The following PTPRD variants were observed in gnomAD, a reference collection of about 807,000 sequenced individuals.
PTPRD encodes receptor-type tyrosine-protein phosphatase delta.
Under a neutral mutation model 214.5 loss-of-function variants are expected in PTPRD, and 34 were observed. The ratio of observed to expected loss-of-function variants is 0.16; its 90% CI spans 0.12 to 0.21. The LOEUF (loss-of-function observed/expected upper bound fraction) is 0.21. Among genes scored for constraint, PTPRD ranks in the 10% least tolerant of loss-of-function variants. The pLI is 1.00. For missense variants in PTPRD, 2,545 were observed against 2,398.7 expected (o/e 1.06, Z -1.27); for synonymous variants, 1,128 against 845.7 (o/e 1.33, Z -5.79).
chr9:9,449,796 CT>C (rs1351806520), intron 8 of PTPRD, among the ~76,000 whole-genome samples: 1 of 151,694 alleles, frequency 6.6e-6, no homozygotes, highest in African/African-American at 2.4e-5. Flanking sequence ...TGGATAAGCT[CT>C]TTAGTGGTGA....
intron 9 of PTPRD, among the ~76,000 whole-genome samples, chr9:9,189,283 A>G (rs983698894): frequency 2.6e-5 from 4 of 152,012 alleles, no homozygotes; most frequent in African/African-American, 9.7e-5. Context: ...ATCTAATTAA[A>G]CCTCATTTCA....
chr9:9,947,677 G>T (rs2092966441), intron 4 of PTPRD, among the ~76,000 whole-genome samples: 1 of 107,620 alleles, frequency 9.3e-6, no homozygotes, highest in East Asian at 2.8e-4. Context: ...GGTAGTAAAA[G>T]GTCAAGTTAG....
intron 2 of PTPRD, among the ~76,000 whole-genome samples, chr9:10,550,011 G>A (rs895624925): frequency 6.6e-6 from 1 of 152,110 alleles, no homozygotes; most frequent in Non-Finnish European, 1.5e-5. Context: ...CAGGATTGAT[G>A]AGGATGGATA....
intron 39 of PTPRD, among the ~76,000 whole-genome samples, chr9:8,355,538 G>C (rs2076758464): frequency 6.6e-6 from 1 of 152,168 alleles, no homozygotes; most frequent in Admixed American, 6.5e-5. Context: ...CAGTAGAGAG[G>C]ACAGGGTTTG....
chr9:9,317,896 G>A (rs1055773201), intron 9 of PTPRD, among the ~76,000 whole-genome samples: 1 of 152,050 alleles, frequency 6.6e-6, no homozygotes, highest in Non-Finnish European at 1.5e-5. Context: ...TTCCAGCCGG[G>A]TGCGGTGGCT....
At chr9:10,353,603 TAG>T (rs2097218670) in intron 2 of PTPRD, among the ~76,000 whole-genome samples, 1 of 151,970 alleles carries the variant, frequency 6.6e-6, no homozygotes, top group Non-Finnish European at 1.5e-5. Context: ...GTTTTTAATA[TAG>T]AGTCTCTTAA....
intron 3 of PTPRD, among the ~76,000 whole-genome samples, chr9:10,139,638 G>A (rs1354526541): frequency 1.3e-5 from 2 of 151,878 alleles, no homozygotes; most frequent in Non-Finnish European, 1.5e-5. Context: ...ACTTCAAACT[G>A]GACTACAAGG....
chr9:9,322,689 T>C (rs549203613), intron 9 of PTPRD, among the ~76,000 whole-genome samples: 27 of 152,278 alleles, frequency 1.8e-4, no homozygotes, highest in Admixed American at 4.6e-4. Context: ...AGGAACACTC[T>C]AGATCCTTGG....
Position 10,209,587 on chromosome 9 carries a change from T to A in PTPRD, c.-545+131376A>T, listed in dbSNP as rs2099505142. ...TGATCCTTAGTCCCTAAGGTTTTTT[T>A]TAAGTTGTTATAACTTTTCTACCTG... On this transcript the variant is annotated intron_variant, in intron 3 of 45. Coordinates refer to ENST00000381196, the MANE Select transcript of PTPRD (RefSeq NM_002839.4). Among the ~76,000 whole-genome samples the A allele has an allele frequency of 2.0e-5, 3 of 152,184 alleles. No individual in the cohort carries two copies. In the South Asian group the frequency reaches 6.2e-4, roughly 32 times the overall value.
chr9:9,897,989 T>C (rs1299851979), intron 5 of PTPRD, among the ~76,000 whole-genome samples: 1 of 151,734 alleles, frequency 6.6e-6, no homozygotes, highest in Non-Finnish European at 1.5e-5. Flanking sequence ...TTTAAATAAA[T>C]CTTTACTTAT....
At chr9:9,830,633 G>C (rs1224085156) in intron 5 of PTPRD, among the ~76,000 whole-genome samples, 1 of 151,918 alleles carries the variant, frequency 6.6e-6, no homozygotes, top group Non-Finnish European at 1.5e-5. Flanking sequence ...TAGCACCTGA[G>C]TGTGTTAGCC....
chr9:9,522,801 C>T (rs1162771107), intron 8 of PTPRD, among the ~76,000 whole-genome samples: 1 of 152,086 alleles, frequency 6.6e-6, no homozygotes, highest in South Asian at 2.1e-4. Context: ...ATTTTGGAAA[C>T]AACTAGAGTG....
chr9:9,329,909 G>C (rs911940489), intron 9 of PTPRD, among the ~76,000 whole-genome samples: 1 of 152,102 alleles, frequency 6.6e-6, no homozygotes, highest in Non-Finnish European at 1.5e-5. Flanking sequence ...GAAATTCCTA[G>C]GGCCCTACCT....
intron 3 of PTPRD, among the ~76,000 whole-genome samples, chr9:10,125,345 A>C (rs1201422312): frequency 6.6e-6 from 1 of 151,416 alleles, no homozygotes; most frequent in Non-Finnish European, 1.5e-5. Context: ...GAACCAAAGG[A>C]AAATAAATCA....
At chr9:9,631,323 G>A (rs1048443262) in intron 7 of PTPRD, among the ~76,000 whole-genome samples, 2 of 151,660 alleles carry the variant, frequency 1.3e-5, no homozygotes, top group African/African-American at 4.8e-5. Flanking sequence ...GTGAAAATAT[G>A]CAGCAAGATA....
At chr9:9,544,093 T>C (rs182295222) in intron 8 of PTPRD, among the ~76,000 whole-genome samples, 113 of 151,744 alleles carry the variant, frequency 7.4e-4, no homozygotes, top group African/African-American at 2.6e-3. Flanking sequence ...CACTTCAAAA[T>C]AACCTTGGTT....
At chr9:9,955,521 G>GTTTTTTTTTTTTTTTTTTTTTT (rs1194987444) in intron 4 of PTPRD, among the ~76,000 whole-genome samples, 5 of 145,616 alleles carry the variant, frequency 3.4e-5, no homozygotes, top group African/African-American at 1.0e-4. Context: ...GTTTTGTTTT[G>GTTTTTTTTTTTTTTTTTTTTTT]TTTTGTTTTT....
rs184432035 is a variant in PTPRD at position 9,679,091 on chromosome 9, T to C, written c.-287+55442A>G. Among the ~76,000 whole-genome samples the C allele has an allele frequency of 3.2e-4, 47 of 145,842 alleles. 1 individual carries two copies. In the Middle Eastern group the frequency reaches 0.011, roughly 33 times the overall value. On this transcript the variant is annotated intron_variant, in intron 7 of 45. Transcript: ENST00000381196. ...TCAAAATTTCAAAAGAGGAGAGAGA[T>C]ACCCTTTGGTAATTAGGTTGAAAAA...
intron 2 of PTPRD, among the ~76,000 whole-genome samples, chr9:10,600,826 A>G (rs1484118242): frequency 2.6e-5 from 4 of 151,808 alleles, no homozygotes; most frequent in African/African-American, 9.7e-5. Context: ...AGTACTATAT[A>G]TGATACTCTG....
Sources: allele counts gnomAD v4.1 joint callset (sites outside exome capture counted in the v4.1 genomes callset), GRCh38; gene constraint gnomAD v4.1.1; transcripts MANE v1.5; gene names NCBI Gene and HGNC (gene_info 2026-07-23, HGNC 2026-07-21).